Variants in NYAP2 observed in about 807,000 individuals in gnomAD.
NYAP2 encodes neuronal tyrosine-phosphorylated phosphoinositide-3-kinase adaptor 2.
A neutral mutation model predicts 50.4 loss-of-function variants in NYAP2; 23 were observed. That is an observed-to-expected ratio of 0.46 (90% CI 0.33 to 0.65). The LOEUF (loss-of-function observed/expected upper bound fraction) is 0.65. Ranked by LOEUF, NYAP2 falls within the 30% of genes least tolerant of loss-of-function variation. The pLI is 0.02. For missense variants in NYAP2, 885 were observed against 861.0 expected, an observed-to-expected ratio of 1.03 and a Z score of -0.35; for synonymous variants, 394 against 365.2, an observed-to-expected ratio of 1.08 and a Z score of -0.90.
chr2:225,480,791 G>A (rs1191184907), intron 3 of NYAP2, among the ~76,000 whole-genome samples: 1 of 151,990 alleles, frequency 6.6e-6, no homozygotes, highest in Admixed American at 6.6e-5. Context: ...AGACAATTTG[G>A]TTTTCTTTCT....
At chr2:225,585,082 C>T (rs2106231863) in intron 5 of NYAP2, among the ~76,000 whole-genome samples, 1 of 152,284 alleles carries the variant, frequency 6.6e-6, no homozygotes, top group Non-Finnish European at 1.5e-5. Flanking sequence ...TCTACAATGT[C>T]AATAGTGCCA....
At chr2:225,518,631 T>C (rs186790224) in intron 4 of NYAP2, among the ~76,000 whole-genome samples, 139 of 144,886 alleles carry the variant, frequency 9.6e-4, no homozygotes, top group African/African-American at 3.3e-3. Context: ...TATATATATA[T>C]ATAAATAAAT....
intron 3 of NYAP2, among the ~76,000 whole-genome samples, chr2:225,472,819 T>C (rs909120430): frequency 8.5e-5 from 13 of 152,136 alleles, no homozygotes; most frequent in African/African-American, 3.1e-4. Context: ...CTTTTATTTT[T>C]TAATTATACT....
chr2:225,649,205 G>C (rs1693689876), intron 6 of NYAP2, among the ~76,000 whole-genome samples: 1 of 152,140 alleles, frequency 6.6e-6, no homozygotes, highest in South Asian at 2.1e-4. Flanking sequence ...CAGTTTATCT[G>C]TTTACTTAGC....
chr2:225,511,454 G>A (rs1031728064), intron 3 of NYAP2, among the ~76,000 whole-genome samples: 10 of 151,026 alleles, frequency 6.6e-5, no homozygotes, highest in African/African-American at 2.2e-4. Flanking sequence ...TGTCAACACT[G>A]CCCCTTAGCC....
intron 3 of NYAP2, among the ~76,000 whole-genome samples, chr2:225,419,120 C>T (rs1695172915): frequency 2.0e-5 from 3 of 152,146 alleles, no homozygotes; most frequent in South Asian, 4.1e-4. Context: ...GTCGGCGATA[C>T]TGATTCTAAG....
intron 3 of NYAP2, among the ~76,000 whole-genome samples, chr2:225,432,999 C>T (rs146007276): frequency 7.8e-4 from 119 of 152,172 alleles, no homozygotes; most frequent in African/African-American, 2.8e-3. Context: ...CATGACTATG[C>T]CTAGCTGTAA....
In NYAP2 at chr2:225,512,823, C is replaced by CTT. The variant is rs1401236775; in HGVS notation, c.222-547_222-546insTT. 6.9e-3 allele frequency among the ~76,000 whole-genome samples: 326 copies of CTT among 47,382 alleles called. 3 individuals carry two copies. The highest frequency in any genetic ancestry group is 0.035 in the African/African-American group (308 of 8,774). The allele number at this position is 47,382 out of a possible 152,430, so 31.1% of individuals were successfully genotyped here. A position where few individuals can be genotyped will look rare whatever the true frequency, so the allele number is the denominator to read the frequency against. On this transcript the variant is annotated intron_variant, in intron 3 of 6. Transcript: ENST00000636099. ...CCCTCTCTTTCTTTTCTTTCTTTCT[C>CTT]TCTCTCTCTCTCTCTTTCTTTCTTT...
intron 3 of NYAP2, among the ~76,000 whole-genome samples, chr2:225,482,733 G>T (rs927710738): frequency 6.6e-6 from 1 of 152,070 alleles, no homozygotes; most frequent in African/African-American, 2.4e-5. Context: ...GGATCATTAA[G>T]TTTCCTCTTC....
At chr2:225,693,380 G>A in the NYAP2 span, among the ~76,000 whole-genome samples, 13 of 151,944 alleles carry the variant, frequency 8.6e-5, no homozygotes, top group Non-Finnish European at 1.8e-4. Context: ...GATGGCAGAG[G>A]TAAAAGTGTC....
intron 3 of NYAP2, among the ~76,000 whole-genome samples, chr2:225,511,825 C>A (rs568394335): frequency 6.6e-6 from 1 of 152,064 alleles, no homozygotes; most frequent in African/African-American, 2.4e-5. Flanking sequence ...TATAAAATTC[C>A]ATCATATTAT....
At chr2:225,660,803 T>C in the NYAP2 span, among the ~76,000 whole-genome samples, 1 of 152,234 alleles carries the variant, frequency 6.6e-6, no homozygotes, top group African/African-American at 2.4e-5. Flanking sequence ...GATTTTTGTT[T>C]TGAATTTTTT....
intron 3 of NYAP2, among the ~76,000 whole-genome samples, chr2:225,508,621 G>T (rs1690753425): frequency 6.6e-6 from 1 of 152,132 alleles, no homozygotes; most frequent in Non-Finnish European, 1.5e-5. Context: ...GAAGGAGAGG[G>T]GGAGGAAAAG....
At chr2:225,537,882 G>A (rs1446725545) in intron 4 of NYAP2, among the ~76,000 whole-genome samples, 2 of 152,180 alleles carry the variant, frequency 1.3e-5, no homozygotes, top group African/African-American at 4.8e-5. Flanking sequence ...GGGGATACAG[G>A]CATTGGATAA....
At chr2:225,576,094 A>C (rs151048561) in intron 4 of NYAP2, among the ~76,000 whole-genome samples, 1 of 152,360 alleles carries the variant, frequency 6.6e-6, no homozygotes, top group African/African-American at 2.4e-5. Context: ...ATAAAAATAT[A>C]CTTCAAAGTA....
At position 225,504,737 on chromosome 2, in the gene NYAP2, C is replaced by T. The variant is rs145689795; in HGVS notation, c.222-8634C>T. ...AAAATATATCATTTTAGGCCAGGCA[C>T]GGTGGCTCATGCCTGTAACCCCAGC... is the stretch of plus-strand genomic sequence containing the variant. On this transcript the variant is annotated intron_variant, in intron 3 of 6. Coordinates refer to ENST00000636099, the Ensembl canonical transcript of NYAP2. Among the ~76,000 whole-genome samples the T allele has an allele frequency of 4.3e-3, 651 of 152,158 alleles. 4 individuals carry two copies. Among genetic ancestry groups the T allele is most frequent in the Middle Eastern group, 0.014 (4 of 294 alleles).
At chr2:225,651,617 C>T in exon 7 of NYAP2, 1 of 1,598,756 alleles carries the variant, frequency 6.3e-7, no homozygotes, top group Middle Eastern at 1.7e-4. Flanking sequence ...TGTCCTGTTG[C>T]TGTAGACAAC....
intron 3 of NYAP2, among the ~76,000 whole-genome samples, chr2:225,468,283 G>T (rs749043405): frequency 5.9e-5 from 9 of 152,214 alleles, no homozygotes; most frequent in Non-Finnish European, 1.2e-4. Context: ...AAACAGCCAT[G>T]TGTAGACGTA....
intron 4 of NYAP2, among the ~76,000 whole-genome samples, chr2:225,554,054 A>G (rs1394656827): frequency 2.0e-5 from 3 of 152,176 alleles, no homozygotes; most frequent in Non-Finnish European, 4.4e-5. Context: ...CAAAACAATT[A>G]AAAAGGTTAG....
Sources: allele counts gnomAD v4.1 joint callset (sites outside exome capture counted in the v4.1 genomes callset), GRCh38; gene constraint gnomAD v4.1.1; transcripts MANE v1.5; gene names NCBI Gene and HGNC (gene_info 2026-07-23, HGNC 2026-07-21).